MARVELD2: variants seen among roughly 807,000 people sequenced by gnomAD.
MARVELD2 encodes MARVEL domain-containing protein 2.
Under a neutral mutation model 57.6 loss-of-function variants are expected in MARVELD2, and 49 were observed. The ratio of observed to expected loss-of-function variants is 0.85; its 90% CI spans 0.68 to 1.08. The LOEUF is 1.08. MARVELD2 is among the 50% of genes least tolerant of loss of function. The probability of loss-of-function intolerance (pLI) is 0.00; values close to 1 mark genes in which losing one functional copy is unlikely to be tolerated. For synonymous variants in MARVELD2, 238 were observed against 258.8 expected, an observed-to-expected ratio of 0.92 and a Z score of 0.77; for missense variants, 606 against 701.1, an observed-to-expected ratio of 0.86 and a Z score of 1.53.
chr5:69,440,863 G>A (rs551792009), intron 6 of MARVELD2, among the ~76,000 whole-genome samples: 72 of 152,310 alleles, frequency 4.7e-4, no homozygotes, highest in African/African-American at 1.7e-3. Flanking sequence ...CGAGTGGAAC[G>A]CTTGAGCCCA....
At chr5:69,432,308 G>C (rs1349448101) in intron 3 of MARVELD2, among the ~76,000 whole-genome samples, 1 of 151,908 alleles carries the variant, frequency 6.6e-6, no homozygotes, top group African/African-American at 2.4e-5. Context: ...ACTGTGCCTG[G>C]CCTTAAACTT....
intron 1 of MARVELD2, chr5:69,419,076 C>T (rs1766514608): frequency 8.9e-6 from 4 of 446,998 alleles, no homozygotes; most frequent in Non-Finnish European, 1.6e-5. Context: ...CAGGCGCATG[C>T]CACAACGCCT....
chr5:69,437,188 CAAA>C (rs70992937), intron 5 of MARVELD2, among the ~76,000 whole-genome samples: 15 of 113,238 alleles, frequency 1.3e-4, no homozygotes, highest in Admixed American at 1.8e-4. Context: ...GACTTCATCT[CAAA>C]AAAAAAAAAA....
intron 5 of MARVELD2, 77 bp from the exon 6 acceptor site, chr5:69,440,373 A>G (rs1435371203): frequency 2.7e-6 from 2 of 742,660 alleles, no homozygotes; most frequent in African/African-American, 1.8e-5. Context: ...TTTTTGTTCT[A>G]ATTCTCAGTG....
chr5:69,420,589 C>T (rs1254470503), intron 2 of MARVELD2, 58 bp downstream of exon 2: 5 of 1,514,260 alleles, frequency 3.3e-6, no homozygotes, highest in Non-Finnish European at 4.5e-6. Flanking sequence ...CTGTTATTTG[C>T]TCCCTTGTTA....
rs773755999 is a variant in MARVELD2, at chr5:69,419,475, C to T, written c.90C>T (p.Thr30=). The T allele has an allele frequency of 6.2e-7, 1 of 1,614,124 alleles. No individual in the cohort carries two copies. The highest frequency in any genetic ancestry group is 8.5e-7 in the Non-Finnish European group (1 of 1,180,022). ...CCTATCAAGATACCACCATAAGAACCCACCCAACTCTTCATGACAGTGAGC... is the reference window on the plus strand; with the variant it reads ...CCTATCAAGATACCACCATAAGAACTCACCCAACTCTTCATGACAGTGAGC... ...DLPYQDTTIR[T]HPTLHDSERA... Residue 30 remains threonine (T), a synonymous_variant, in exon 2 of 7, where the codon ACC becomes ACT. Coordinates refer to ENST00000325631, the MANE Select transcript of MARVELD2 (RefSeq NM_001038603.3).
chr5:69,443,598 T>C lies in MARVELD2; in HGVS notation c.*1944T>C, dbSNP rs908267675. On this transcript the variant is annotated 3_prime_UTR_variant, in exon 7 of 7. Transcript: ENST00000325631. ...ACAATAGACTGCCTTAACAAAGTTT[T>C]TTTTTAAACAAAATCGTTCTTGTTG... is the stretch of plus-strand genomic sequence containing the variant. 6.6e-6 allele frequency: 1 copy of C among 152,224 alleles called. No individual in the cohort carries two copies. Among genetic ancestry groups the C allele is most frequent in the Non-Finnish European group, 1.5e-5 (1 of 68,052 alleles). 9.4% of individuals were successfully genotyped at this position (152,224 alleles called of 1,614,324 possible). A position where few individuals can be genotyped will look rare whatever the true frequency, so the allele number is the denominator to read the frequency against.
rs545345229 is a variant in MARVELD2, at chr5:69,440,604, C to T, written c.1554+104C>T. On this transcript the variant is annotated intron_variant, in intron 6 of 6. Coordinates refer to ENST00000325631, the MANE Select transcript of MARVELD2 (RefSeq NM_001038603.3). ...GCTAAAATAGTTCCTTTTTGTATTTCATGGGATGCTCCTTTTAAGAGAAAA... is the reference window on the plus strand; with the variant it reads ...GCTAAAATAGTTCCTTTTTGTATTTTATGGGATGCTCCTTTTAAGAGAAAA... The T allele has an allele frequency of 3.3e-4, 226 of 694,312 alleles. No homozygotes were observed. In the African/African-American group the frequency reaches 3.8e-3, roughly 12 times the overall value. 43.0% of individuals were successfully genotyped at this position (694,312 alleles called of 1,614,324 possible). A position where few individuals can be genotyped will look rare whatever the true frequency, so the allele number is the denominator to read the frequency against.
rs753965867 is a variant in MARVELD2 at position 69,441,661 on chromosome 5, T to C, written c.*7T>C. 2.0e-6 allele frequency: 3 copies of C among 1,534,928 alleles called. No homozygotes were observed. On this transcript the variant is annotated 3_prime_UTR_variant, in exon 7 of 7. Coordinates refer to ENST00000325631, the MANE Select transcript of MARVELD2 (RefSeq NM_001038603.3). ...TGTACAAGGTTATTCTTAACGCTTA[T>C]TTGAAACCACTTTATTTTTTTATTT...
intron 5 of MARVELD2, among the ~76,000 whole-genome samples, chr5:69,439,848 G>A (rs373776953): frequency 1.1e-4 from 17 of 152,030 alleles, no homozygotes; most frequent in South Asian, 6.2e-4. Flanking sequence ...ATGGATGAAC[G>A]AGGGCATTGC....
At chr5:69,419,311 TCAGCATCATTGA>T in intron 1 of MARVELD2, 48 bp from the exon 2 acceptor site, 2 of 1,537,742 alleles carry the variant, frequency 1.3e-6, no homozygotes, top group South Asian at 2.3e-5. Context: ...ATGAATAAAA[TCAGCATCATTGA>T]GAGGATAAGT....
Position 69,420,371 on chromosome 5 carries a change from C to T in MARVELD2, c.986C>T (p.Pro329Leu). 2 of 1,614,150 alleles carry T rather than the reference C, an allele frequency of 1.2e-6. No homozygotes were observed. The highest frequency in any genetic ancestry group is 1.7e-6 in the Non-Finnish European group (2 of 1,180,028). Residue 329 changes from proline (P) to leucine (L), a missense_variant, in exon 2 of 7, where the codon CCA (proline) becomes CTA (leucine). Pro to Leu is a moderately conservative substitution (Grantham distance 98, BLOSUM62 -3). Transcript: ENST00000325631. ...GLCYYPLFNTPVNAVFCRVEG... is the reference protein window; with the variant it reads ...GLCYYPLFNTLVNAVFCRVEG... ...TGCTACTATCCGTTATTTAATACAC[C>T]AGTGAATGCAGTGTTCTGCCGGGTA...
At chr5:69,425,030 AAAAG>A (rs1766742339) in intron 3 of MARVELD2, among the ~76,000 whole-genome samples, 2 of 149,594 alleles carry the variant, frequency 1.3e-5, no homozygotes, top group Non-Finnish European at 3.0e-5. Context: ...TTAAAAAAAG[AAAAG>A]AAAAGAAAGT....
At chr5:69,417,512 G>A (rs1319390179) in intron 1 of MARVELD2, among the ~76,000 whole-genome samples, 1 of 152,146 alleles carries the variant, frequency 6.6e-6, no homozygotes, top group Non-Finnish European at 1.5e-5. Context: ...GTATAAAGAT[G>A]GGGTTATCAG....
At chr5:69,428,066 G>A (rs576056504) in intron 3 of MARVELD2, among the ~76,000 whole-genome samples, 109 of 151,984 alleles carry the variant, frequency 7.2e-4, no homozygotes, top group African/African-American at 2.2e-3. Flanking sequence ...AGCAAAGATC[G>A]TGCCACTGCA....
intron 1 of MARVELD2, chr5:69,418,812 A>C (rs1409218685): frequency 6.5e-6 from 1 of 153,514 alleles, no homozygotes; most frequent in Non-Finnish European, 1.4e-5. Context: ...AAATGACTCT[A>C]CTTGGGAGTG....
At chr5:69,435,889 T>A (rs573281106) in intron 5 of MARVELD2, among the ~76,000 whole-genome samples, 30 of 152,218 alleles carry the variant, frequency 2.0e-4, no homozygotes, top group Non-Finnish European at 3.2e-4. Context: ...GAACATTTCA[T>A]ATCAATCTTT....
In MARVELD2 at chr5:69,420,014, G is replaced by A. The variant is rs753794898; in HGVS notation, c.629G>A (p.Cys210Tyr). The A allele has an allele frequency of 7.4e-6, 12 of 1,614,068 alleles. No individual in the cohort carries two copies. Among genetic ancestry groups the A allele is most frequent in the African/African-American group, 2.7e-5 (2 of 74,920 alleles). ...CTTTTGGGGGCCGGTGTCTTTGCTT[G>A]TGTCACAGCTTACATTCACAAGGAC... ...ELLLGAGVFA[C>Y]VTAYIHKDSE... The change falls in exon 2 of 7, where the codon TGT becomes TAT. Residue 210 changes from cysteine (C) to tyrosine (Y), a missense_variant. Cys to Tyr is a radical substitution (Grantham distance 194). Coordinates refer to ENST00000325631, the MANE Select transcript of MARVELD2 (RefSeq NM_001038603.3).
At chr5:69,415,378 G>GGGCGC (rs1451956480) in intron 1 of MARVELD2, 1 of 152,160 alleles carries the variant, frequency 6.6e-6, no homozygotes, top group East Asian at 1.9e-4. Context: ...CCGTCCTTCC[G>GGGCGC]GGCGCGGGGC....
Sources: gnomAD v4.1 joint callset for allele counts (sites outside exome capture counted in the v4.1 genomes callset) on GRCh38, gnomAD v4.1.1 for gene constraint, MANE v1.5 for transcripts, NCBI Gene and HGNC (gene_info 2026-07-23, HGNC 2026-07-21) for gene names.